The following CERS1 variants were observed in gnomAD, a reference collection of about 807,000 sequenced individuals.
CERS1 encodes the protein ceramide synthase 1, also known as Embryonic growth/differentiation factor 1.
A neutral mutation model predicts 35.7 loss-of-function variants in CERS1; 16 were observed. That is an observed-to-expected ratio of 0.45 (90% CI 0.30 to 0.68). CERS1 has a LOEUF of 0.68. Ranked by LOEUF, CERS1 falls within the 30% of genes least tolerant of loss-of-function variation. The pLI, the probability that CERS1 is intolerant of heterozygous loss-of-function variation, is 0.08. For synonymous variants in CERS1, 243 were observed against 201.6 expected (o/e 1.21, Z -1.74); for missense variants, 454 against 453.9 (o/e 1.00, Z 0.00).
intron 6 of CERS1, among the ~76,000 whole-genome samples, chr19:18,877,697 G>A (rs2056084446): frequency 6.6e-6 from 1 of 150,466 alleles, no homozygotes; most frequent in African/African-American, 2.5e-5. Flanking sequence ...GGCGGTTGCA[G>A]CGAGCCGAGA....
At position 18,870,305 on chromosome 19, in the gene CERS1, C is replaced by T. The variant is rs1158666470; in HGVS notation, c.*272G>A. ...CGCAGGGACCTTGCTGCGGCGGTGG[C>T]ATCTTCCTCCCAGGCGATGACCAGA... On this transcript the variant is annotated 3_prime_UTR_variant, in exon 7 of 8. Coordinates refer to ENST00000623882, the MANE Select transcript of CERS1 (RefSeq NM_021267.5). This position sits in a 1 kb window ranked among gnomAD's most constrained non-coding sequence, Gnocchi z 5.1. 1.3e-6 allele frequency: 2 copies of T among 1,545,632 alleles called. No homozygotes were observed. The highest frequency in any genetic ancestry group is 2.0e-5 in the Admixed American group (1 of 50,910).
rs2056103481 is a variant in CERS1 at position 18,878,340 on chromosome 19, G to A, written c.1010+590C>T. The A allele has an allele frequency of 8.1e-6, 8 of 986,016 alleles. No individual in the cohort carries two copies. The highest frequency in any genetic ancestry group is 9.6e-6 in the Non-Finnish European group (8 of 830,498). 61.1% of individuals were successfully genotyped at this position (986,016 alleles called of 1,614,324 possible). A position where few individuals can be genotyped will look rare whatever the true frequency, so the allele number is the denominator to read the frequency against. ...CTGGGGCTTCGGACACCATCTGGCT[G>A]TCACCCAGGGCTGGTGAGGCTCGTG... On this transcript the variant is annotated intron_variant, in intron 6 of 7. Coordinates refer to ENST00000623882, the MANE Select transcript of CERS1 (RefSeq NM_021267.5). This position sits in a 1 kb window ranked among gnomAD's most constrained non-coding sequence, Gnocchi z 4.6.
chr19:18,886,872 AC>A (rs753671257), intron 2 of CERS1, among the ~76,000 whole-genome samples: 6 of 150,968 alleles, frequency 4.0e-5, no homozygotes, highest in Non-Finnish European at 7.4e-5. Flanking sequence ...TGCCACCCCC[AC>A]CCCAGTCCAG....
intron 6 of CERS1, among the ~76,000 whole-genome samples, chr19:18,872,754 G>T (rs1174920709): frequency 3.3e-5 from 5 of 152,146 alleles, no homozygotes; most frequent in Non-Finnish European, 7.4e-5. Flanking sequence ...GACCTCAGGT[G>T]ATCCACCCGC....
At chr19:18,869,545 G>T (rs1483102018) in intron 7 of CERS1, among the ~76,000 whole-genome samples, 155 bp from the exon 8 acceptor site, 3 of 150,004 alleles carry the variant, frequency 2.0e-5, no homozygotes, top group African/African-American at 7.4e-5. Flanking sequence ...TGGAGTGGGG[G>T]CAGGGCATGA....
At position 18,895,774 on chromosome 19, in the gene CERS1, G is replaced by T; in HGVS notation, c.249+50C>A. Reference sequence around the variant, plus strand: ...CCGGCGGCCCCAGGTCCCCGGTCCCGGCTTCCCCCAGTCCGGGGTCCCCTC... The same window carrying T: ...CCGGCGGCCCCAGGTCCCCGGTCCCTGCTTCCCCCAGTCCGGGGTCCCCTC... On this transcript the variant is annotated intron_variant, in intron 1 of 7. Transcript: ENST00000623882. This position sits in a 1 kb window ranked among gnomAD's most constrained non-coding sequence, Gnocchi z 6.4. 9.3e-7 allele frequency: 1 copy of T among 1,074,054 alleles called. No homozygotes were observed. Among genetic ancestry groups the T allele is most frequent in the Non-Finnish European group, 1.2e-6 (1 of 857,146 alleles). 66.5% of individuals were successfully genotyped at this position (1,074,054 alleles called of 1,614,324 possible).
intron 6 of CERS1, among the ~76,000 whole-genome samples, chr19:18,871,227 T>G (rs2145991848): frequency 7.9e-6 from 1 of 127,274 alleles, no homozygotes; most frequent in East Asian, 2.4e-4. Flanking sequence ...CCAGCAATTT[T>G]TTTTTTTTTT....
intron 2 of CERS1, among the ~76,000 whole-genome samples, chr19:18,893,184 A>G (rs1377880608): frequency 6.6e-6 from 1 of 151,154 alleles, no homozygotes; most frequent in Non-Finnish European, 1.5e-5. Context: ...AAGTGCTGGG[A>G]TTACAGGCGT....
At chr19:18,882,785 C>T (rs2056247091) in intron 3 of CERS1, among the ~76,000 whole-genome samples, 3 of 151,976 alleles carry the variant, frequency 2.0e-5, no homozygotes, top group South Asian at 2.1e-4. Flanking sequence ...CTCCGCCTCC[C>T]GGGTTCATGC....
intron 6 of CERS1, among the ~76,000 whole-genome samples, chr19:18,877,618 G>A (rs1555703910): frequency 1.3e-5 from 2 of 152,118 alleles, no homozygotes; most frequent in Admixed American, 6.6e-5. Flanking sequence ...ACAGCATGGT[G>A]GTGCATGCCT....
intron 2 of CERS1, among the ~76,000 whole-genome samples, 190 bp from the exon 3 acceptor site, chr19:18,884,457 C>T (rs1034843106): frequency 1.3e-5 from 2 of 151,198 alleles, no homozygotes; most frequent in African/African-American, 2.4e-5. Context: ...CTCCCTCTGT[C>T]GCCCAGGCTG....
chr19:18,869,176 C>G lies in CERS1; in HGVS notation c.*809G>C. ...CGGGCACCAACTGGCGGAGCAGCAC[C>G]GGCCCGGGGTCCGCGCCCGCGCCCT... On this transcript the variant is annotated 3_prime_UTR_variant, in exon 8 of 8. Transcript: ENST00000623882. The G allele has an allele frequency of 8.7e-7, 1 of 1,154,884 alleles. No homozygotes were observed. The highest frequency in any genetic ancestry group is 1.1e-6 in the Non-Finnish European group (1 of 939,664). The allele number at this position is 1,154,884 out of a possible 1,614,324, so 71.5% of individuals were successfully genotyped here.
intron 2 of CERS1, among the ~76,000 whole-genome samples, chr19:18,884,644 T>A (rs2056305040): frequency 6.6e-6 from 1 of 151,226 alleles, no homozygotes; most frequent in Non-Finnish European, 1.5e-5. Context: ...CCTGACCTCA[T>A]GATTCACCTG....
rs748527035 is a variant in CERS1, at chr19:18,893,520, C to T, written c.305G>A (p.Ser102Asn). The T allele has an allele frequency of 2.5e-6, 4 of 1,610,964 alleles. No homozygotes were observed. The highest frequency in any genetic ancestry group is 3.4e-6 in the Non-Finnish European group (4 of 1,178,856). The stretch of plus-strand genomic sequence containing the variant: ...CAGGTAGAAGAGAAACTTCCAAGCG[C>T]TCTCGGGCATCTTGGCGGCATCTCT... The part of the protein sequence containing the change: ...QPRDAAKMPE[S>N]AWKFLFYLGS... The change falls in exon 2 of 8, where the codon AGC becomes AAC. Residue 102 changes from serine to asparagine, a missense_variant. Physicochemically the swap from Ser to Asn is conservative, Grantham distance 46 (BLOSUM62 1). Coordinates refer to ENST00000623882, the MANE Select transcript of CERS1 (RefSeq NM_021267.5).
In CERS1 at chr19:18,895,840, G is replaced by C; in HGVS notation, c.233C>G (p.Thr78Ser). 1 of 1,294,956 alleles carries C rather than the reference G, an allele frequency of 7.7e-7. No individual in the cohort carries two copies. Among genetic ancestry groups the C allele is most frequent in the South Asian group, 2.0e-5 (1 of 51,052 alleles). 80.2% of individuals were successfully genotyped at this position (1,294,956 alleles called of 1,614,324 possible). A position where few individuals can be genotyped will look rare whatever the true frequency, so the allele number is the denominator to read the frequency against. ...LGWTALRSAA[T>S]ARLFRPLAKR... The stretch of plus-strand genomic sequence containing the variant: ...CACACTGACCCGAAAGAGGCGCGCA[G>C]TGGCCGCGGAGCGCAGGGCGGTCCA... The change falls in exon 1 of 8, where the codon ACT becomes AGT. Residue 78 changes from threonine to serine, a missense_variant. By Grantham distance (58) the Thr-to-Ser change is moderately conservative (BLOSUM62 1). Coordinates refer to ENST00000623882, the MANE Select transcript of CERS1 (RefSeq NM_021267.5). This position sits in a 1 kb window ranked among gnomAD's most constrained non-coding sequence, Gnocchi z 6.4.
In CERS1 at chr19:18,895,886, G is replaced by C; in HGVS notation, c.187C>G (p.Leu63Val). The part of the protein sequence containing the change: ...AHLAPPELLL[L>V]ALGALGWTAL... The stretch of plus-strand genomic sequence containing the variant: ...GTCCAGCCCAGCGCGCCGAGCGCCA[G>C]CAGCAGCAGCTCGGGCGGCGCCAGG... The change falls in exon 1 of 8, where the codon CTG becomes GTG. Residue 63 changes from leucine (L) to valine (V), a missense_variant. Physicochemically the swap from Leu to Val is conservative, Grantham distance 32 (BLOSUM62 1). Coordinates refer to ENST00000623882, the MANE Select transcript of CERS1 (RefSeq NM_021267.5). This position sits in a 1 kb window ranked among gnomAD's most constrained non-coding sequence, Gnocchi z 6.4. 1 of 1,254,016 alleles carries C rather than the reference G, an allele frequency of 8.0e-7. No homozygotes were observed. Among genetic ancestry groups the C allele is most frequent in the South Asian group, 2.2e-5 (1 of 45,626 alleles). The allele number at this position is 1,254,016 out of a possible 1,614,324, so 77.7% of individuals were successfully genotyped here.
intron 6 of CERS1, among the ~76,000 whole-genome samples, chr19:18,876,536 T>TTTTGTG (rs2056064132): frequency 7.0e-6 from 1 of 143,184 alleles, no homozygotes. Context: ...TTTGATTGGG[T>TTTTGTG]TGTGTGTGTG....
chr19:18,889,345 C>T (rs1274766943), intron 2 of CERS1, among the ~76,000 whole-genome samples: 2 of 152,088 alleles, frequency 1.3e-5, no homozygotes, highest in Admixed American at 1.3e-4. Flanking sequence ...AACAGAGGCC[C>T]CCCAACCGTC....
Position 18,868,650 on chromosome 19 carries a change from C to A in CERS1, c.*1335G>T, listed in dbSNP as rs1056201063. The stretch of plus-strand genomic sequence containing the variant: ...ATGTCCTCATACTGCCGCAGCACCA[C>A]GTTGTCGCTGTTGTCAAAGAAGAGC... On this transcript the variant is annotated 3_prime_UTR_variant, in exon 8 of 8. Transcript: ENST00000623882. The A allele has an allele frequency of 6.3e-7, 1 of 1,575,592 alleles. No homozygotes were observed. Among genetic ancestry groups the A allele is most frequent in the Non-Finnish European group, 8.6e-7 (1 of 1,160,640 alleles).
Sources: gnomAD v4.1 joint callset for allele counts (sites outside exome capture counted in the v4.1 genomes callset) on GRCh38, gnomAD v4.1.1 for gene constraint, Gnocchi (gnomAD v3.1) non-coding constraint, MANE v1.5 for transcripts, NCBI Gene and HGNC (gene_info 2026-07-23, HGNC 2026-07-21) for gene names.